The following FRMD3 variants were observed in gnomAD, a reference collection of about 807,000 sequenced individuals.
FRMD3 encodes FERM domain-containing protein 3.
In FRMD3, 33 loss-of-function variants were observed where a neutral mutation model predicts 70.2. The observed-to-expected ratio is 0.47, with a 90% confidence interval of 0.36 to 0.63. The LOEUF (loss-of-function observed/expected upper bound fraction) is 0.63. FRMD3 is among the 20% of genes least tolerant of loss of function. The pLI, the probability that FRMD3 is intolerant of heterozygous loss-of-function variation, is 0.00. For synonymous variants in FRMD3, 279 were observed against 255.9 expected, an observed-to-expected ratio of 1.09 and a Z score of -0.86; for missense variants, 632 against 711.4, an observed-to-expected ratio of 0.89 and a Z score of 1.27.
rs116148038 is a variant in FRMD3, at chr9:83,370,813, G to C, written c.295+2100C>G. 7.5e-3 allele frequency among the ~76,000 whole-genome samples: 1,148 copies of C among 152,286 alleles called. 9 individuals carry two copies. Among genetic ancestry groups the C allele is most frequent in the Middle Eastern group, 0.037 (11 of 294 alleles). The stretch of plus-strand genomic sequence containing the variant: ...CGTAGTTCTAGCTATCTGGGAGGCT[G>C]AGGCACAAGAATCACTTGAACCTGG... On this transcript the variant is annotated intron_variant, in intron 3 of 13. Transcript: ENST00000304195.
At chr9:83,336,434 G>C (rs12375872) in intron 5 of FRMD3, among the ~76,000 whole-genome samples, 3 of 150,940 alleles carry the variant, frequency 2.0e-5, no homozygotes, top group Admixed American at 2.0e-4. Flanking sequence ...GACATTCCTC[G>C]GGGTTCCATT....
At position 83,492,904 on chromosome 9, in the gene FRMD3, C is replaced by T. The variant is rs549886293; in HGVS notation, c.147+45181G>A. 1.5e-3 allele frequency among the ~76,000 whole-genome samples: 225 copies of T among 152,344 alleles called. 2 individuals carry two copies. Among genetic ancestry groups the T allele is most frequent in the African/African-American group, 5.2e-3 (218 of 41,564 alleles). Reference sequence around the variant, plus strand: ...TCTCCCCTCTTCACCATCTCCCATTCCCTTCTCCTCTACTCAGGGAGCAGA... The same window carrying T: ...TCTCCCCTCTTCACCATCTCCCATTTCCTTCTCCTCTACTCAGGGAGCAGA... On this transcript the variant is annotated intron_variant, in intron 1 of 13. Transcript: ENST00000304195.
intron 3 of FRMD3, among the ~76,000 whole-genome samples, chr9:83,361,009 C>G (rs555915414): frequency 3.5e-4 from 54 of 152,248 alleles, no homozygotes; most frequent in African/African-American, 1.2e-3. Context: ...ATACCTGGCC[C>G]AACCTAATGA....
intron 4 of FRMD3, among the ~76,000 whole-genome samples, chr9:83,343,717 C>T (rs1474143563): frequency 1.3e-5 from 2 of 152,220 alleles, no homozygotes; most frequent in Admixed American, 1.3e-4. Flanking sequence ...TAAGGCCAGC[C>T]TCATCATTTC....
chr9:83,482,958 A>T (rs1243431021), intron 1 of FRMD3, among the ~76,000 whole-genome samples: 2 of 152,216 alleles, frequency 1.3e-5, no homozygotes, highest in Admixed American at 1.3e-4. Context: ...TTGCAGGGGC[A>T]TCCTGGCATG....
chr9:83,557,499 G>A, the FRMD3 span, among the ~76,000 whole-genome samples: 1 of 152,342 alleles, frequency 6.6e-6, no homozygotes, highest in East Asian at 1.9e-4. Flanking sequence ...GCAAAAGAAA[G>A]AGAAAGATGT....
upstream of FRMD3, among the ~76,000 whole-genome samples, chr9:83,542,138 T>G (rs1481217279): frequency 6.6e-6 from 1 of 152,054 alleles, no homozygotes; most frequent in Non-Finnish European, 1.5e-5. Flanking sequence ...TGGCTGCAAG[T>G]CCAGTTCTTA....
At chr9:83,443,645 G>A (rs1827372043) in intron 1 of FRMD3, among the ~76,000 whole-genome samples, 1 of 152,088 alleles carries the variant, frequency 6.6e-6, no homozygotes, top group Admixed American at 6.6e-5. Flanking sequence ...TAATCCTTTG[G>A]GTATATACCC....
chr9:83,333,440 A>T (rs1466141991), intron 6 of FRMD3, among the ~76,000 whole-genome samples: 1 of 152,208 alleles, frequency 6.6e-6, no homozygotes. Context: ...ACTTTCAGTG[A>T]TCTCCACAAG....
chr9:83,290,822 C>G (rs942282), intron 12 of FRMD3, 95 bp from the exon 13 acceptor site: 829,021 of 1,361,916 alleles, frequency 0.61, 255,847 homozygotes, highest in South Asian at 0.79. Context: ...TTTGTGTCTA[C>G]AGGGAACTAC....
intron 4 of FRMD3, among the ~76,000 whole-genome samples, chr9:83,347,801 C>G (rs1824011369): frequency 6.6e-6 from 1 of 152,002 alleles, no homozygotes; most frequent in Non-Finnish European, 1.5e-5. Context: ...CCATAAGTAC[C>G]TGGGGCATTC....
chr9:83,446,228 T>C (rs1827457341), intron 1 of FRMD3, among the ~76,000 whole-genome samples: 1 of 152,084 alleles, frequency 6.6e-6, no homozygotes, highest in Admixed American at 6.6e-5. Flanking sequence ...TGCCGGGAGA[T>C]GAAGTGTGTG....
intron 1 of FRMD3, among the ~76,000 whole-genome samples, chr9:83,490,037 T>A (rs1018325601): frequency 6.6e-6 from 1 of 152,180 alleles, no homozygotes; most frequent in Admixed American, 6.5e-5. Flanking sequence ...AACTTTAATA[T>A]ACACTGGCGC....
intron 3 of FRMD3, chr9:83,350,822 A>G (rs1824132114): frequency 1.4e-6 from 1 of 720,464 alleles, no homozygotes; most frequent in African/African-American, 1.9e-5. Flanking sequence ...TGGGGATTCT[A>G]CAGGACTTCC....
At chr9:83,315,827 G>A (rs192335820) in intron 6 of FRMD3, among the ~76,000 whole-genome samples, 201 of 152,300 alleles carry the variant, frequency 1.3e-3, no homozygotes, top group African/African-American at 4.4e-3. Context: ...TTCCGCTCAA[G>A]CCTGCTGCTG....
chr9:83,369,615 A>C (rs1453278675), intron 3 of FRMD3, among the ~76,000 whole-genome samples: 1 of 151,060 alleles, frequency 6.6e-6, no homozygotes, highest in Non-Finnish European at 1.5e-5. Flanking sequence ...TAAATAAATA[A>C]ATAAATAAAA....
At chr9:83,383,551 G>A in intron 2 of FRMD3, among the ~76,000 whole-genome samples, 1 of 152,160 alleles carries the variant, frequency 6.6e-6, no homozygotes. Context: ...TTCCAAACCT[G>A]CTGGTCTCTA....
chr9:83,501,853 T>G (rs376621652), intron 1 of FRMD3, among the ~76,000 whole-genome samples: 1 of 152,172 alleles, frequency 6.6e-6, no homozygotes, highest in Non-Finnish European at 1.5e-5. Context: ...TGCATTTGAG[T>G]AGAGAGGGAA....
rs549414305 is a variant in FRMD3, at chr9:83,365,415, G to A, written c.295+7498C>T. Among the ~76,000 whole-genome samples, 99 of 151,934 alleles carry A rather than the reference G, an allele frequency of 6.5e-4. 1 individual carries two copies. Among genetic ancestry groups the A allele is most frequent in the Admixed American group, 6.0e-3 (91 of 15,246 alleles). On this transcript the variant is annotated intron_variant, in intron 3 of 13. Transcript: ENST00000304195. The stretch of plus-strand genomic sequence containing the variant: ...AAGACATTTATTTTTACTTGTTATT[G>A]TTACTGTAAATAATAGTACTTTTTC...
Sources: gnomAD v4.1 joint callset for allele counts (sites outside exome capture counted in the v4.1 genomes callset) on GRCh38, gnomAD v4.1.1 for gene constraint, MANE v1.5 for transcripts, NCBI Gene and HGNC (gene_info 2026-07-23, HGNC 2026-07-21) for gene names.